Variants in MYBPC3 observed in about 807,000 individuals in gnomAD.
MYBPC3 encodes the protein myosin-binding protein C, cardiac-type.
In MYBPC3, 108 loss-of-function variants were observed where a neutral mutation model predicts 159.3. The observed-to-expected ratio is 0.68, with a 90% CI of 0.58 to 0.80. The LOEUF (loss-of-function observed/expected upper bound fraction) is 0.80, where lower values mean the gene tolerates loss of function less well. Ranked by LOEUF, MYBPC3 falls within the 30% of genes least tolerant of loss-of-function variation. The pLI is 0.00. For missense variants in MYBPC3, 1,631 were observed against 1,762.1 expected (o/e 0.93, Z 1.33); for synonymous variants, 730 against 702.0 (o/e 1.04, Z -0.63).
At chr11:47,348,911 T>TATATACATAC in intron 5 of MYBPC3, among the ~76,000 whole-genome samples, 2 of 113,098 alleles carry the variant, frequency 1.8e-5, no homozygotes, top group African/African-American at 6.2e-5. Flanking sequence ...TCTCAAATTA[T>TATATACATAC]ATATATATAT....
At chr11:47,336,674 T>C (rs975736451) in intron 25 of MYBPC3, among the ~76,000 whole-genome samples, 2 of 152,070 alleles carry the variant, frequency 1.3e-5, no homozygotes, top group African/African-American at 4.8e-5. Context: ...CTGTGCCCCA[T>C]CCCTGGGCCC....
At chr11:47,344,191 T>C (rs1182628814) in intron 12 of MYBPC3, among the ~76,000 whole-genome samples, 1 of 152,232 alleles carries the variant, frequency 6.6e-6, no homozygotes, top group Non-Finnish European at 1.5e-5. Context: ...GGGATTGGGT[T>C]AGGGGCTTCC....
chr11:47,340,788 G>A lies in MYBPC3; in HGVS notation c.1927+215C>T, dbSNP rs10769253. ...CACCTCATCTTTATAACTATCCTAT[G>A]AGGTGGCACTATCAGGGTTCCCATT... On this transcript the variant is annotated intron_variant, in intron 20 of 34. Transcript: ENST00000545968. Among the ~76,000 whole-genome samples the A allele has an allele frequency of 0.26, 39,750 of 152,176 alleles. 6,104 individuals are homozygous for A. The highest frequency in any genetic ancestry group is 0.58 in the East Asian group (3,002 of 5,182).
In MYBPC3 at chr11:47,351,189, G is replaced by GGGGCCCCCCCCC; in HGVS notation, c.292+49_292+50insGGGGGGGGGCCC. ...TGGATGGATGGAGAGTCGCTGGGCT[G>GGGGCCCCCCCCC]CCCCTCCCCCAGCAGCCCAAACCTC... On this transcript the variant is annotated intron_variant, in intron 2 of 34. Transcript: ENST00000545968. The surrounding 1 kb of genome is among the most constrained non-coding windows in gnomAD (Gnocchi z 4.2). The GGGGCCCCCCCCC allele has an allele frequency of 1.1e-5, 16 of 1,449,026 alleles. No individual in the cohort carries two copies. The highest frequency in any genetic ancestry group is 1.0e-4 in the East Asian group (4 of 38,928). The allele number at this position is 1,449,026 out of a possible 1,614,324, so 89.8% of individuals were successfully genotyped here. A position where few individuals can be genotyped will look rare whatever the true frequency, so the allele number is the denominator to read the frequency against.
chr11:47,343,113 G>A lies in MYBPC3; in HGVS notation c.1259C>T (p.Thr420Ile). 6.2e-7 allele frequency: 1 copy of A among 1,611,970 alleles called. No homozygotes were observed. Among genetic ancestry groups the A allele is most frequent in the Admixed American group, 1.7e-5 (1 of 59,684 alleles). Residue 420 changes from threonine (T) to isoleucine (I), a missense_variant, in exon 15 of 35, where the codon ACC (threonine) becomes ATC (isoleucine). Transcript: ENST00000545968. ...YIFESIGAKR[T>I]LTISQCSLAD... is the part of the protein sequence containing the mutation. ...CAATGAGCACTGGCTGATGGTCAGG[G>A]TACGCTTGGCACCGATGGACTCAAA...
intron 18 of MYBPC3, 24 bp downstream of exon 18, chr11:47,341,967 C>A: frequency 6.4e-7 from 1 of 1,552,668 alleles, no homozygotes. Flanking sequence ...CCACCTGTCC[C>A]ATCCACCTGC....
At chr11:47,347,077 A>G in intron 9 of MYBPC3, 48 bp from the exon 10 acceptor site, 1 of 885,364 alleles carries the variant, frequency 1.1e-6, no homozygotes, top group Non-Finnish European at 1.9e-6. Context: ...GGGGAGAGGG[A>G]GAGAGAGGGC....
Position 47,333,739 on chromosome 11 carries a change from G to A in MYBPC3, c.3008C>T (p.Pro1003Leu), listed in dbSNP as rs2095879711. 1 of 1,601,470 alleles carries A rather than the reference G, an allele frequency of 6.2e-7. No individual in the cohort carries two copies. The highest frequency in any genetic ancestry group is 1.1e-5 in the South Asian group (1 of 89,814). ...CCCCTCTTTGGTCCAGGTCACCTGA[G>A]GCCGGGGCTTGCCCTGAGGGGAGGA... ...LLIPFQGKPR[P>L]QVTWTKEGQP... The change falls in exon 29 of 35, where the codon CCT becomes CTT. Residue 1003 changes from proline (P) to leucine (L), a missense_variant. Physicochemically the swap from Pro to Leu is moderately conservative, Grantham distance 98. Transcript: ENST00000545968.
At chr11:47,335,672 A>G in intron 26 of MYBPC3, 1 of 484,090 alleles carries the variant, frequency 2.1e-6, no homozygotes, top group South Asian at 4.1e-5. Flanking sequence ...CACTGCTCAA[A>G]GAAGTGTTAC....
In MYBPC3 at chr11:47,347,916, AG is replaced by A. The variant is rs2095896071; in HGVS notation, c.773-12del. On this transcript the variant is annotated splice_polypyrimidine_tract_variant and intron_variant, in intron 6 of 34. Transcript: ENST00000545968. ...CGGTGCCCATGGCCTCTGGGTTCAA[AG>A]GGTGGAGAGATGGGGGAAGGGGCTT... is the stretch of plus-strand genomic sequence containing the variant. The A allele has an allele frequency of 6.4e-7, 1 of 1,571,746 alleles. No homozygotes were observed. The highest frequency in any genetic ancestry group is 2.4e-5 in the East Asian group (1 of 42,428).
At position 47,342,954 on chromosome 11, in the gene MYBPC3, C is replaced by G. The variant is rs776773381; in HGVS notation, c.1352-19G>C. The G allele has an allele frequency of 6.2e-7, 1 of 1,611,126 alleles. No individual in the cohort carries two copies. The highest frequency in any genetic ancestry group is 1.1e-5 in the South Asian group (1 of 90,574). ...GGGGGCTCTGTCCAGGCAGGGTGAG[C>G]ATGAGGGTTGGCTCCCCTGAGGCCA... On this transcript the variant is annotated intron_variant, in intron 15 of 34. Coordinates refer to ENST00000545968, the MANE Select transcript of MYBPC3 (RefSeq NM_000256.3).
chr11:47,343,385 G>C, intron 13 of MYBPC3, 107 bp downstream of exon 13: 1 of 1,487,460 alleles, frequency 6.7e-7, no homozygotes, highest in Non-Finnish European at 8.9e-7. Context: ...GAGAGATGGG[G>C]CTGAGAGCCA....
rs752413705 is a variant in MYBPC3, at chr11:47,343,267, A to G, written c.1224-5T>C. ...ATCCAGAGGGGAACTTACTTGCTGT[A>G]GAACAGAAGGGGCCGTTGAAGTGTT... On this transcript the variant is annotated splice_region_variant and splice_polypyrimidine_tract_variant and intron_variant, in intron 13 of 34. Coordinates refer to ENST00000545968, the MANE Select transcript of MYBPC3 (RefSeq NM_000256.3). 1.9e-6 allele frequency: 3 copies of G among 1,559,006 alleles called. No individual in the cohort carries two copies. Among genetic ancestry groups the G allele is most frequent in the Non-Finnish European group, 2.6e-6 (3 of 1,156,814 alleles).
In MYBPC3 at chr11:47,337,494, C is replaced by G. The variant is rs397515967; in HGVS notation, c.2499G>C (p.Ala833=). 2.5e-6 allele frequency: 4 copies of G among 1,613,918 alleles called. No individual in the cohort carries two copies. Among genetic ancestry groups the G allele is most frequent in the Non-Finnish European group, 3.4e-6 (4 of 1,179,916 alleles). The change falls in exon 25 of 35, where the codon GCG becomes GCC. Residue 833 remains alanine, a synonymous_variant. Transcript: ENST00000545968. Reference sequence around the variant, plus strand: ...ACACCACGCCCTCGATCATGCGCCGCGCTTCATGACTCAGCTCCTGAATCA... The same window carrying G: ...ACACCACGCCCTCGATCATGCGCCGGGCTTCATGACTCAGCTCCTGAATCA... The part of the protein sequence containing the change: ...FDLIQELSHE[A]RRMIEGVVYE...
chr11:47,335,299 G>T, intron 26 of MYBPC3, 90 bp from the exon 27 acceptor site: 3 of 1,036,406 alleles, frequency 2.9e-6, no homozygotes, highest in Non-Finnish European at 2.6e-6. Flanking sequence ...GGAATCTCCA[G>T]GATTTAAATA....
chr11:47,350,386 A>G (rs1350082501), intron 3 of MYBPC3, 116 bp downstream of exon 3: 13 of 1,491,026 alleles, frequency 8.7e-6, no homozygotes, highest in South Asian at 2.6e-5. Context: ...CGGCCTCCCA[A>G]AGTACTGGGG....
chr11:47,336,043 A>G, intron 25 of MYBPC3, 32 bp from the exon 26 acceptor site: 1 of 1,420,344 alleles, frequency 7.0e-7, no homozygotes, highest in Non-Finnish European at 9.2e-7. Flanking sequence ...GAGGGGTCTG[A>G]GCAAGCCTGG....
chr11:47,344,358 C>T lies in MYBPC3; in HGVS notation c.1091-734G>A, dbSNP rs11039192. Among the ~76,000 whole-genome samples the T allele has an allele frequency of 0.017, 2,607 of 152,298 alleles. 79 individuals are homozygous for T. The highest frequency in any genetic ancestry group is 0.059 in the African/African-American group (2,447 of 41,568). ...CCCATCTCAGCCCCCAGGGCCAGTGCGGTGGTCCCCATGCTGCTGCAGTGG... is the reference window on the plus strand; with the variant it reads ...CCCATCTCAGCCCCCAGGGCCAGTGTGGTGGTCCCCATGCTGCTGCAGTGG... On this transcript the variant is annotated intron_variant, in intron 12 of 34. Coordinates refer to ENST00000545968, the MANE Select transcript of MYBPC3 (RefSeq NM_000256.3).
In MYBPC3 at chr11:47,350,124, G is replaced by A. The variant is rs1226412861; in HGVS notation, c.407-12C>T. The A allele has an allele frequency of 1.2e-5, 18 of 1,550,796 alleles. No homozygotes were observed. The highest frequency in any genetic ancestry group is 1.5e-5 in the Non-Finnish European group (17 of 1,146,686). ...TGCTGAGCTTGACCCTGTGAGCAAA[G>A]GCTTTTTCTGTTTGTTTGAGATGGA... On this transcript the variant is annotated splice_polypyrimidine_tract_variant and intron_variant, in intron 3 of 34. Transcript: ENST00000545968.
Sources: allele counts gnomAD v4.1 joint callset (sites outside exome capture counted in the v4.1 genomes callset), GRCh38; gene constraint gnomAD v4.1.1; non-coding constraint Gnocchi (gnomAD v3.1); transcripts MANE v1.5; gene names NCBI Gene and HGNC (gene_info 2026-07-23, HGNC 2026-07-21).